Variants in FRMD4A observed in about 807,000 individuals in gnomAD.
FRMD4A encodes the protein FERM domain-containing protein 4A.
FRMD4A carries 29 observed loss-of-function variants against 129.1 expected under a neutral mutation model. The ratio of observed to expected loss-of-function variants is 0.22; its 90% CI spans 0.17 to 0.31. The LOEUF (loss-of-function observed/expected upper bound fraction) is 0.31, where lower values mean the gene tolerates loss of function less well. Ranked by LOEUF, FRMD4A falls within the 10% of genes least tolerant of loss-of-function variation. FRMD4A has a pLI of 1.00. For synonymous variants in FRMD4A, 634 were observed against 571.6 expected (o/e 1.11, Z -1.56); for missense variants, 1,272 against 1,375.8 (o/e 0.92, Z 1.19).
intron 2 of FRMD4A, among the ~76,000 whole-genome samples, chr10:13,986,848 C>T (rs1467612405): frequency 8.6e-5 from 13 of 151,936 alleles, no homozygotes; most frequent in Non-Finnish European, 1.9e-4. Flanking sequence ...CCCTAGATCA[C>T]CAGGTCTTGG....
intron 3 of FRMD4A, among the ~76,000 whole-genome samples, chr10:13,856,720 C>T (rs1170161284): frequency 6.6e-6 from 1 of 152,146 alleles, no homozygotes; most frequent in Admixed American, 6.5e-5. Context: ...CTCTCGTTCG[C>T]CTAATTCAAC....
chr10:14,158,145 C>T (rs2131864656), intron 2 of FRMD4A, among the ~76,000 whole-genome samples: 1 of 152,272 alleles, frequency 6.6e-6, no homozygotes, highest in South Asian at 2.1e-4. Context: ...TGGGGGAAAT[C>T]TCCTTGTATA....
chr10:13,959,274 C>A (rs567564589), intron 2 of FRMD4A, among the ~76,000 whole-genome samples: 2 of 152,134 alleles, frequency 1.3e-5, no homozygotes, highest in South Asian at 2.1e-4. Flanking sequence ...GAGTTTGAGA[C>A]CAGCCTGACC....
At chr10:13,966,145 C>T (rs1453362886) in intron 2 of FRMD4A, among the ~76,000 whole-genome samples, 3 of 152,052 alleles carry the variant, frequency 2.0e-5, no homozygotes, top group Non-Finnish European at 4.4e-5. Flanking sequence ...TCAGCCTCCT[C>T]AGTAGCTGGG....
At chr10:13,700,275 T>TCC (rs34428699) in intron 14 of FRMD4A, among the ~76,000 whole-genome samples, 65,902 of 149,706 alleles carry the variant, frequency 0.44, 14,722 homozygotes, top group Non-Finnish European at 0.47. Context: ...TCTTATCACC[T>TCC]CCCCCTTGAC....
chr10:14,077,074 G>A (rs144954184), intron 2 of FRMD4A, among the ~76,000 whole-genome samples: 12 of 152,254 alleles, frequency 7.9e-5, no homozygotes, highest in African/African-American at 1.2e-4. Flanking sequence ...AGGACTTTGC[G>A]TTTTCCATCA....
At chr10:13,670,563 A>C in intron 16 of FRMD4A, 35 bp from the exon 17 acceptor site, 10 of 1,606,052 alleles carry the variant, frequency 6.2e-6, no homozygotes, top group Non-Finnish European at 8.5e-6. Context: ...AGTGAGCACA[A>C]ATCAGAGTGG....
At chr10:14,307,044 A>G (rs567234370) in intron 2 of FRMD4A, among the ~76,000 whole-genome samples, 3 of 152,214 alleles carry the variant, frequency 2.0e-5, no homozygotes, top group Non-Finnish European at 4.4e-5. Context: ...ATGCAACTAC[A>G]TTGATGACAG....
At chr10:13,691,746 G>C (rs781235394) in intron 15 of FRMD4A, among the ~76,000 whole-genome samples, 36 of 152,164 alleles carry the variant, frequency 2.4e-4, no homozygotes, top group Non-Finnish European at 4.3e-4. Flanking sequence ...CTGTGCTAAG[G>C]GGGAAGGTGG....
intron 15 of FRMD4A, among the ~76,000 whole-genome samples, chr10:13,676,534 C>T (rs960238162): frequency 6.6e-6 from 1 of 151,852 alleles, no homozygotes; most frequent in African/African-American, 2.4e-5. Flanking sequence ...CTCAGCCTCC[C>T]AAAGTGCTGG....
chr10:13,957,255 C>T (rs997380853), intron 2 of FRMD4A, among the ~76,000 whole-genome samples: 2 of 152,138 alleles, frequency 1.3e-5, no homozygotes, highest in Admixed American at 1.3e-4. Context: ...TCTAACCCTT[C>T]CTTTTTGTTT....
intron 2 of FRMD4A, among the ~76,000 whole-genome samples, chr10:13,927,549 A>G (rs946315417): frequency 3.3e-5 from 5 of 152,226 alleles, no homozygotes; most frequent in Admixed American, 2.6e-4. Context: ...TACAAGTTCT[A>G]CAAGGAGCTG....
intron 2 of FRMD4A, among the ~76,000 whole-genome samples, chr10:14,120,726 G>A (rs1022694156): frequency 2.0e-5 from 3 of 152,240 alleles, no homozygotes; most frequent in Non-Finnish European, 4.4e-5. Context: ...AGCCCTCCCT[G>A]CTGCTTTGAT....
chr10:14,249,491 G>A (rs1844361574), intron 2 of FRMD4A, among the ~76,000 whole-genome samples: 1 of 152,218 alleles, frequency 6.6e-6, no homozygotes, highest in African/African-American at 2.4e-5. Flanking sequence ...GCCCCAGTCT[G>A]CACTGCCCAT....
chr10:14,081,343 G>C (rs1835916637), intron 2 of FRMD4A, among the ~76,000 whole-genome samples: 1 of 152,172 alleles, frequency 6.6e-6, no homozygotes, highest in South Asian at 2.1e-4. Flanking sequence ...GGGTCTGGGT[G>C]CCTGCAACCA....
At chr10:13,679,205 CGAGGTCAG>C (rs1386198521) in intron 15 of FRMD4A, among the ~76,000 whole-genome samples, 1 of 150,664 alleles carries the variant, frequency 6.6e-6, no homozygotes, top group Non-Finnish European at 1.5e-5. Flanking sequence ...AGGTGGGTCA[CGAGGTCAG>C]GAGGTCAAGA....
At chr10:14,231,906 T>C (rs898607399) in intron 2 of FRMD4A, among the ~76,000 whole-genome samples, 8 of 152,228 alleles carry the variant, frequency 5.3e-5, no homozygotes. Flanking sequence ...TGATAGTTTC[T>C]TTTTCTGTGC....
At chr10:13,826,939 A>C (rs1182086911) in intron 3 of FRMD4A, among the ~76,000 whole-genome samples, 1 of 152,200 alleles carries the variant, frequency 6.6e-6, no homozygotes, top group African/African-American at 2.4e-5. Flanking sequence ...CTCGGGTCCA[A>C]AGAAAACTTG....
At chr10:13,806,446 A>G (rs2093358492) in intron 4 of FRMD4A, among the ~76,000 whole-genome samples, 1 of 152,226 alleles carries the variant, frequency 6.6e-6, no homozygotes, top group Non-Finnish European at 1.5e-5. Context: ...ATTAAACCTG[A>G]ACTTCCAAGC....
Sources: allele counts gnomAD v4.1 joint callset (sites outside exome capture counted in the v4.1 genomes callset), GRCh38; gene constraint gnomAD v4.1.1; transcripts MANE v1.5; gene names NCBI Gene and HGNC (gene_info 2026-07-23, HGNC 2026-07-21).